Variants in CERS6 observed in about 807,000 individuals in gnomAD.
CERS6 encodes ceramide synthase 6, also known as LAG1 homolog, ceramide synthase 6.
CERS6 carries 26 observed loss-of-function variants against 56.8 expected under a neutral mutation model. That is an observed-to-expected ratio of 0.46 (90% CI 0.34 to 0.63). The LOEUF (loss-of-function observed/expected upper bound fraction) is 0.63. CERS6 is among the 30% of genes least tolerant of loss of function. CERS6 has a pLI of 0.01. For synonymous variants in CERS6, 164 were observed against 173.3 expected (o/e 0.95, Z 0.42); for missense variants, 415 against 467.5 (o/e 0.89, Z 1.04).
intron 8 of CERS6, among the ~76,000 whole-genome samples, chr2:168,742,042 C>T (rs1369004064): frequency 6.6e-6 from 1 of 152,194 alleles, no homozygotes; most frequent in Non-Finnish European, 1.5e-5. Context: ...GTTTGTCTTA[C>T]TCTGCAGAGA....
At chr2:168,481,103 G>T (rs1330390726) in intron 1 of CERS6, among the ~76,000 whole-genome samples, 1 of 152,200 alleles carries the variant, frequency 6.6e-6, no homozygotes, top group Non-Finnish European at 1.5e-5. Flanking sequence ...TGAGGAGCTT[G>T]TGGTTTGAAA....
At chr2:168,609,979 T>TTG (rs1159148292) in intron 3 of CERS6, among the ~76,000 whole-genome samples, 6 of 137,354 alleles carry the variant, frequency 4.4e-5, no homozygotes, top group Non-Finnish European at 9.4e-5. Context: ...TGACTGTTTT[T>TTG]TTTTTTTTTT....
At chr2:168,516,132 G>A (rs1694880088) in intron 1 of CERS6, among the ~76,000 whole-genome samples, 1 of 152,112 alleles carries the variant, frequency 6.6e-6, no homozygotes, top group African/African-American at 2.4e-5. Flanking sequence ...CTTGATTAGA[G>A]GTTTGCCACG....
intron 3 of CERS6, among the ~76,000 whole-genome samples, chr2:168,564,371 A>G (rs773261150): frequency 2.6e-5 from 4 of 152,184 alleles, no homozygotes; most frequent in Non-Finnish European, 4.4e-5. Flanking sequence ...ATTCGCCATT[A>G]TAGCCCAATA....
intron 1 of CERS6, among the ~76,000 whole-genome samples, chr2:168,501,639 C>T (rs1178670021): frequency 1.3e-5 from 2 of 152,198 alleles, no homozygotes; most frequent in East Asian, 3.8e-4. Context: ...AGTGAAATGG[C>T]TTTAGGCCAG....
In CERS6 at chr2:168,751,855, C is replaced by A. The variant is rs114428371; in HGVS notation, c.846-13737C>A. ...GGTACCCATTCCAGCTATGCATGATCCCTTGTGTATACCCTTTGCTTTCCG... is the reference window on the plus strand; with the variant it reads ...GGTACCCATTCCAGCTATGCATGATACCTTGTGTATACCCTTTGCTTTCCG... On this transcript the variant is annotated intron_variant, in intron 8 of 9. Coordinates refer to ENST00000305747, the MANE Select transcript of CERS6 (RefSeq NM_203463.3). Among the ~76,000 whole-genome samples, 1,029 of 152,306 alleles carry A rather than the reference C, an allele frequency of 6.8e-3. 5 individuals are homozygous for A. Among genetic ancestry groups the A allele is most frequent in the Middle Eastern group, 0.027 (8 of 294 alleles).
At chr2:168,623,052 A>G (rs1396255896) in intron 3 of CERS6, among the ~76,000 whole-genome samples, 1 of 152,214 alleles carries the variant, frequency 6.6e-6, no homozygotes, top group Non-Finnish European at 1.5e-5. Flanking sequence ...GAACATCTCC[A>G]TTGAACTCAA....
chr2:168,633,249 T>G (rs1321047523), intron 4 of CERS6, among the ~76,000 whole-genome samples: 4 of 152,150 alleles, frequency 2.6e-5, no homozygotes, highest in African/African-American at 7.2e-5. Context: ...GGGAATTTCT[T>G]TCTTTAATTC....
Position 168,771,445 on chromosome 2 carries a change from A to G in CERS6, c.*1783A>G, listed in dbSNP as rs1684858909. 6.6e-6 allele frequency: 1 copy of G among 152,224 alleles called. No homozygotes were observed. Among genetic ancestry groups the G allele is most frequent in the Non-Finnish European group, 1.5e-5 (1 of 68,036 alleles). 9.4% of individuals were successfully genotyped at this position (152,224 alleles called of 1,614,324 possible). A position where few individuals can be genotyped will look rare whatever the true frequency, so the allele number is the denominator to read the frequency against. ...CTTGTTTATTGAGAAAACGATGCAAATAATTCTGCTTTTAGAGCCTTGTTA... is the reference window on the plus strand; with the variant it reads ...CTTGTTTATTGAGAAAACGATGCAAGTAATTCTGCTTTTAGAGCCTTGTTA... On this transcript the variant is annotated 3_prime_UTR_variant, in exon 10 of 10. Transcript: ENST00000305747.
intron 3 of CERS6, among the ~76,000 whole-genome samples, chr2:168,599,493 C>T (rs1463124631): frequency 2.0e-5 from 3 of 152,150 alleles, no homozygotes; most frequent in Non-Finnish European, 2.9e-5. Context: ...CATTTTAAAA[C>T]GAACATTGTC....
At chr2:168,688,396 A>G (rs1686410438) in intron 4 of CERS6, among the ~76,000 whole-genome samples, 1 of 147,260 alleles carries the variant, frequency 6.8e-6, no homozygotes, top group South Asian at 2.3e-4. Flanking sequence ...CAGCCTGGCG[A>G]CAAAGTGAGA....
chr2:168,725,494 T>G (rs928589489), intron 8 of CERS6, among the ~76,000 whole-genome samples: 1 of 152,298 alleles, frequency 6.6e-6, no homozygotes, highest in African/African-American at 2.4e-5. Context: ...TGATTGTTCC[T>G]TTATTAAATG....
intron 1 of CERS6, among the ~76,000 whole-genome samples, chr2:168,509,863 C>T (rs1473295921): frequency 2.0e-5 from 3 of 152,096 alleles, no homozygotes; most frequent in Admixed American, 6.6e-5. Flanking sequence ...GAGTTTGAGA[C>T]GAGCCTGATC....
At chr2:168,588,750 TTTTG>T (rs372275643) in intron 3 of CERS6, among the ~76,000 whole-genome samples, 10 of 152,216 alleles carry the variant, frequency 6.6e-5, no homozygotes, top group East Asian at 1.9e-4. Context: ...CTTTCAGTTC[TTTTG>T]TTTGTTTGTT....
chr2:168,537,642 A>G (rs529807132), intron 1 of CERS6, among the ~76,000 whole-genome samples: 3 of 152,314 alleles, frequency 2.0e-5, no homozygotes, highest in Admixed American at 6.5e-5. Flanking sequence ...TTGTACTCAG[A>G]CATTAAACAT....
chr2:168,483,225 T>C (rs1694209227), intron 1 of CERS6, among the ~76,000 whole-genome samples: 1 of 152,226 alleles, frequency 6.6e-6, no homozygotes. Flanking sequence ...CTTCTTTTTT[T>C]ATAGATGTGG....
At chr2:168,538,932 T>C (rs956405098) in intron 1 of CERS6, among the ~76,000 whole-genome samples, 1 of 152,224 alleles carries the variant, frequency 6.6e-6, no homozygotes, top group Admixed American at 6.5e-5. Flanking sequence ...TTAATTTACT[T>C]TTCTTATTTT....
intron 1 of CERS6, among the ~76,000 whole-genome samples, chr2:168,470,688 G>A (rs1204209419): frequency 6.6e-6 from 1 of 151,912 alleles, no homozygotes; most frequent in African/African-American, 2.4e-5. Flanking sequence ...TTGCAGAATT[G>A]CAAAGGGACT....
chr2:168,723,162 A>AT (rs1683226941), intron 8 of CERS6, among the ~76,000 whole-genome samples: 2 of 152,150 alleles, frequency 1.3e-5, no homozygotes, highest in Non-Finnish European at 2.9e-5. Context: ...GGATTGAGAG[A>AT]TAAGTAGAAT....
Sources: allele counts gnomAD v4.1 joint callset (sites outside exome capture counted in the v4.1 genomes callset), GRCh38; gene constraint gnomAD v4.1.1; transcripts MANE v1.5; gene names NCBI Gene and HGNC (gene_info 2026-07-23, HGNC 2026-07-21).